RPH3A: variants seen among roughly 807,000 people sequenced by gnomAD.
RPH3A encodes the protein rabphilin 3A.
A neutral mutation model predicts 102.2 loss-of-function variants in RPH3A; 48 were observed. The ratio of observed to expected loss-of-function variants is 0.47; its 90% CI spans 0.37 to 0.60. The LOEUF (loss-of-function observed/expected upper bound fraction) is 0.60, where lower values mean the gene tolerates loss of function less well. Ranked by LOEUF, RPH3A falls within the 20% of genes least tolerant of loss-of-function variation. The pLI is 0.00. For synonymous variants in RPH3A, 310 were observed against 324.3 expected, an observed-to-expected ratio of 0.96 and a Z score of 0.47; for missense variants, 781 against 910.1, an observed-to-expected ratio of 0.86 and a Z score of 1.83.
chr12:112,787,939 G>A (rs1040622636), upstream of RPH3A, among the ~76,000 whole-genome samples: 7 of 152,168 alleles, frequency 4.6e-5, no homozygotes, highest in East Asian at 5.8e-4. Flanking sequence ...GCTGAATTGC[G>A]GCCTGAGGAA....
chr12:112,601,035 A>G (rs1410581326), intron 1 of RPH3A, among the ~76,000 whole-genome samples: 2 of 152,128 alleles, frequency 1.3e-5, no homozygotes, highest in Non-Finnish European at 2.9e-5. Context: ...CACGAGAACA[A>G]CATGGGGGGA....
At chr12:112,641,473 T>C (rs1280988678) in intron 1 of RPH3A, among the ~76,000 whole-genome samples, 3 of 152,364 alleles carry the variant, frequency 2.0e-5, no homozygotes, top group Non-Finnish European at 4.4e-5. Context: ...CTTGGCTCAC[T>C]GCAACCTCCG....
intron 5 of RPH3A, among the ~76,000 whole-genome samples, chr12:112,862,963 G>A (rs1263244461): frequency 6.6e-6 from 1 of 151,190 alleles, no homozygotes; most frequent in Admixed American, 6.6e-5. Context: ...CTGGGACCCA[G>A]TCCATGGAGG....
chr12:112,678,804 A>G (rs771856344), intron 1 of RPH3A, among the ~76,000 whole-genome samples: 10 of 152,328 alleles, frequency 6.6e-5, no homozygotes, highest in African/African-American at 2.2e-4. Flanking sequence ...GTCTTCCTAT[A>G]TAACTCACAG....
chr12:112,681,590 A>G (rs1263962664), intron 1 of RPH3A, among the ~76,000 whole-genome samples: 11 of 152,190 alleles, frequency 7.2e-5, no homozygotes, highest in Admixed American at 3.9e-4. Context: ...CTCACTGTCT[A>G]CATTACGGAT....
intron 1 of RPH3A, among the ~76,000 whole-genome samples, chr12:112,642,246 A>T (rs1313826969): frequency 6.6e-6 from 1 of 151,980 alleles, no homozygotes; most frequent in East Asian, 1.9e-4. Context: ...ATTTTTTCCA[A>T]TTTTTTCAAG....
In RPH3A at chr12:112,890,888, A is replaced by G. The variant is rs1320875405; in HGVS notation, c.1660A>G (p.Ile554Val). Residue 554 changes from isoleucine to valine, a missense_variant, in exon 19 of 22, where the codon ATC (isoleucine) becomes GTC (valine). Ile to Val is a conservative substitution (Grantham distance 29). This residue lies in a region of RPH3A where 730 missense variants were observed against 810.0 expected (regional missense o/e 0.90). Coordinates refer to ENST00000389385, the MANE Select transcript of RPH3A (RefSeq NM_001143854.2). Reference protein sequence around the residue: ...RVGDIEERGKILVSLMYSTQQ... With the variant: ...RVGDIEERGKVLVSLMYSTQQ... ...TGGTGACATCGAGGAGCGTGGCAAG[A>G]TCCTGGTCTCCCTCATGTACAGCAC... is the stretch of plus-strand genomic sequence containing the variant. 7 of 1,613,916 alleles carry G rather than the reference A, an allele frequency of 4.3e-6. No homozygotes were observed. In the South Asian group the frequency reaches 6.6e-5, roughly 15 times the overall value.
intron 3 of RPH3A, among the ~76,000 whole-genome samples, chr12:112,831,538 C>T (rs927992304): frequency 6.6e-5 from 10 of 151,826 alleles, no homozygotes; most frequent in Non-Finnish European, 1.2e-4. Context: ...ATATATTAGA[C>T]ATTATTATTT....
intron 1 of RPH3A, among the ~76,000 whole-genome samples, chr12:112,778,994 C>T (rs1333985883): frequency 1.3e-5 from 2 of 152,140 alleles, no homozygotes; most frequent in East Asian, 3.9e-4. Flanking sequence ...GGTGGTTTAC[C>T]AGAAGGACAA....
intron 3 of RPH3A, among the ~76,000 whole-genome samples, chr12:112,835,332 T>TG (rs2042030975): frequency 6.6e-6 from 1 of 152,208 alleles, no homozygotes; most frequent in Admixed American, 6.5e-5. Context: ...AGATAAACAG[T>TG]TGCCTGAAGG....
At chr12:112,687,306 A>G (rs901321963) in intron 1 of RPH3A, among the ~76,000 whole-genome samples, 1 of 152,184 alleles carries the variant, frequency 6.6e-6, no homozygotes, top group South Asian at 2.1e-4. Context: ...CCTCTTCAGC[A>G]TGCCTATATT....
At chr12:112,879,996 C>A (rs1362406314) in intron 14 of RPH3A, among the ~76,000 whole-genome samples, 1 of 152,166 alleles carries the variant, frequency 6.6e-6, no homozygotes, top group African/African-American at 2.4e-5. Flanking sequence ...TTCCAGTGTT[C>A]CCAGGACAGT....
intron 3 of RPH3A, 129 bp from the exon 4 acceptor site, chr12:112,836,362 A>G (rs2042050530): frequency 2.3e-6 from 1 of 434,550 alleles, no homozygotes; most frequent in Admixed American, 4.4e-5. Context: ...AATGGCTGAA[A>G]CAAAATGGAA....
chr12:112,704,113 G>A (rs1194469690), intron 1 of RPH3A, among the ~76,000 whole-genome samples: 1 of 147,884 alleles, frequency 6.8e-6, no homozygotes, highest in Non-Finnish European at 1.5e-5. Context: ...TTTTGAGACC[G>A]AGTTTCACTC....
chr12:112,796,723 C>A (rs1388295544), intron 2 of RPH3A, among the ~76,000 whole-genome samples: 3 of 152,202 alleles, frequency 2.0e-5, no homozygotes, highest in Non-Finnish European at 4.4e-5. Context: ...ATGCCTGGCA[C>A]CATGATGGGC....
intron 15 of RPH3A, among the ~76,000 whole-genome samples, chr12:112,882,264 G>T (rs1189981087): frequency 6.6e-6 from 1 of 152,158 alleles, no homozygotes; most frequent in East Asian, 1.9e-4. Flanking sequence ...GCACTTTGGA[G>T]AATATTCTCT....
In RPH3A at chr12:112,699,661, T is replaced by G. The variant is rs115811344; in HGVS notation, c.-139-92482T>G. Among the ~76,000 whole-genome samples the G allele has an allele frequency of 4.6e-3, 695 of 152,332 alleles. 6 individuals carry two copies. Among genetic ancestry groups the G allele is most frequent in the African/African-American group, 0.016 (652 of 41,584 alleles). On this transcript the variant is annotated intron_variant, in intron 1 of 21. Coordinates refer to the RPH3A transcript ENST00000543106. Reference sequence around the variant, plus strand: ...AACAGTAAAGAACTTGTGGGGATGATAGAAACACGTTCTCTTTCTTGATTT... The same window carrying G: ...AACAGTAAAGAACTTGTGGGGATGAGAGAAACACGTTCTCTTTCTTGATTT...
chr12:112,783,701 C>T (rs151123158), intron 1 of RPH3A, among the ~76,000 whole-genome samples: 15 of 152,254 alleles, frequency 9.9e-5, no homozygotes, highest in Non-Finnish European at 1.6e-4. Context: ...CCTCATTTTA[C>T]AGACAATGAG....
At chr12:112,735,973 C>T (rs994374102) in intron 1 of RPH3A, among the ~76,000 whole-genome samples, 7 of 152,184 alleles carry the variant, frequency 4.6e-5, no homozygotes, top group African/African-American at 7.2e-5. Context: ...GTTCTCTAAA[C>T]GTGCCTTGCC....
Sources: gnomAD v4.1 joint callset for allele counts (sites outside exome capture counted in the v4.1 genomes callset) on GRCh38, gnomAD v4.1.1 for gene constraint, gnomAD v4.1.1 regional missense constraint, MANE v1.5 for transcripts, NCBI Gene and HGNC (gene_info 2026-07-23, HGNC 2026-07-21) for gene names.